CHL1: variants seen among roughly 807,000 people sequenced by gnomAD.
CHL1 encodes the protein neural cell adhesion molecule L1-like protein.
A neutral mutation model predicts 141.9 loss-of-function variants in CHL1; 96 were observed. That is an observed-to-expected ratio of 0.68 (90% CI 0.57 to 0.80). CHL1 has a LOEUF of 0.80. CHL1 is among the 30% of genes least tolerant of loss of function. CHL1 has a pLI of 0.00. For synonymous variants in CHL1, 613 were observed against 502.2 expected (o/e 1.22, Z -2.95); for missense variants, 1,820 against 1,457.2 (o/e 1.25, Z -4.05).
At chr3:321,791 C>A (rs1315591217) in intron 3 of CHL1, among the ~76,000 whole-genome samples, 2 of 151,958 alleles carry the variant, frequency 1.3e-5, no homozygotes, top group South Asian at 2.1e-4. Flanking sequence ...TATTTCAGGG[C>A]TCTAGAGCAC....
intron 9 of CHL1, among the ~76,000 whole-genome samples, chr3:347,087 CAG>C (rs1702830569): frequency 6.6e-6 from 1 of 152,054 alleles, no homozygotes; most frequent in Non-Finnish European, 1.5e-5. Flanking sequence ...TATTTACCAA[CAG>C]TATCTGAACA....
chr3:230,001 C>G (rs943985455), intron 1 of CHL1, among the ~76,000 whole-genome samples: 1 of 151,958 alleles, frequency 6.6e-6, no homozygotes, highest in Non-Finnish European at 1.5e-5. Context: ...TCTCCTTATC[C>G]CCGTGAGTTT....
intron 1 of CHL1, among the ~76,000 whole-genome samples, chr3:231,810 CT>C (rs1701893888): frequency 6.6e-6 from 1 of 151,966 alleles, no homozygotes; most frequent in Admixed American, 6.6e-5. Context: ...CTCCTGACCT[CT>C]GGTGATCCAC....
Position 358,900 on chromosome 3 carries a change from T to G in CHL1, c.1166-1384T>G, listed in dbSNP as rs1252535335. The stretch of plus-strand genomic sequence containing the variant: ...GTCCTTTAAACTAAAAATTTTTGCA[T>G]TTGTGCCCTTCCCTTGACATTTCCA... On this transcript the variant is annotated intron_variant, in intron 11 of 27. Coordinates refer to ENST00000256509, the MANE Select transcript of CHL1 (RefSeq NM_006614.4). Among the ~76,000 whole-genome samples the G allele has an allele frequency of 2.0e-5, 3 of 150,426 alleles. No homozygotes were observed. In the East Asian group the frequency reaches 5.8e-4, roughly 29 times the overall value.
chr3:331,156 G>A (rs1049215346), intron 5 of CHL1, among the ~76,000 whole-genome samples: 2 of 152,078 alleles, frequency 1.3e-5, no homozygotes, highest in East Asian at 3.9e-4. Context: ...TATCACCAGG[G>A]TCATTAATAC....
intron 10 of CHL1, among the ~76,000 whole-genome samples, chr3:350,615 A>AG (rs1324614275): frequency 2.0e-5 from 3 of 151,742 alleles, no homozygotes; most frequent in South Asian, 4.2e-4. Context: ...AATGGAAAAA[A>AG]AAAAGGACTC....
intron 10 of CHL1, 146 bp downstream of exon 10, chr3:349,689 C>T: frequency 3.0e-6 from 2 of 672,912 alleles, no homozygotes; most frequent in Non-Finnish European, 5.0e-6. Context: ...TTATATTACA[C>T]TTCAACTAAG....
chr3:360,534 C>A, intron 12 of CHL1, 110 bp downstream of exon 12: 1 of 1,080,354 alleles, frequency 9.3e-7, no homozygotes, highest in Non-Finnish European at 1.3e-6. Context: ...AGGGAAAAAT[C>A]AAACTACTTT....
chr3:399,189 G>A, intron 26 of CHL1, 41 bp downstream of exon 26: 7 of 1,537,822 alleles, frequency 4.6e-6, no homozygotes, highest in Non-Finnish European at 6.3e-6. Context: ...TTATTAAAAA[G>A]CATTTTCTGG....
At chr3:344,849 AT>A in intron 9 of CHL1, 140 bp downstream of exon 9, 4 of 810,798 alleles carry the variant, frequency 4.9e-6, no homozygotes, top group Non-Finnish European at 7.4e-6. Flanking sequence ...GGCACTGCAG[AT>A]ATTCTGCTCA....
chr3:325,308 T>C (rs1350096047), intron 3 of CHL1, among the ~76,000 whole-genome samples: 1 of 152,044 alleles, frequency 6.6e-6, no homozygotes, highest in Non-Finnish European at 1.5e-5. Context: ...GTTATTTGTG[T>C]ATATATTCTG....
chr3:214,431 C>A (rs998962208), intron 1 of CHL1, among the ~76,000 whole-genome samples: 4 of 152,136 alleles, frequency 2.6e-5, no homozygotes, highest in Non-Finnish European at 4.4e-5. Flanking sequence ...ATTCATGTAA[C>A]CTTCCTACAT....
At chr3:295,653 G>A (rs955900131) in intron 2 of CHL1, among the ~76,000 whole-genome samples, 16 of 152,134 alleles carry the variant, frequency 1.1e-4, no homozygotes, top group Middle Eastern at 3.4e-3. Flanking sequence ...AACAGTGAAG[G>A]GTCAGTTCTC....
At chr3:206,209 T>C (rs1375293584) in intron 1 of CHL1, among the ~76,000 whole-genome samples, 1 of 152,238 alleles carries the variant, frequency 6.6e-6, no homozygotes, top group Non-Finnish European at 1.5e-5. Context: ...GGTGCAAGCC[T>C]GTAATCCCAG....
chr3:226,811 G>A (rs768804251), intron 1 of CHL1, among the ~76,000 whole-genome samples: 1 of 152,028 alleles, frequency 6.6e-6, no homozygotes, highest in Non-Finnish European at 1.5e-5. Context: ...CCAAAATGTT[G>A]CCTTTCTTCT....
chr3:409,111 C>A lies in CHL1; in HGVS notation c.*3400C>A, dbSNP rs903778866. 7.2e-5 allele frequency: 11 copies of A among 152,090 alleles called. No individual in the cohort carries two copies. Among genetic ancestry groups the A allele is most frequent in the African/African-American group, 2.6e-4 (11 of 41,520 alleles). 9.4% of individuals were successfully genotyped at this position (152,090 alleles called of 1,614,324 possible). On this transcript the variant is annotated 3_prime_UTR_variant, in exon 28 of 28. Coordinates refer to ENST00000256509, the MANE Select transcript of CHL1 (RefSeq NM_006614.4). ...ATTATAATGGGATTGGGTTTGTTAT[C>A]TGTGGTAGTATATATCCTAGTGTTC...
At chr3:319,494 C>G (rs1366182560) in intron 2 of CHL1, among the ~76,000 whole-genome samples, 189 bp from the exon 3 acceptor site, 2 of 150,430 alleles carry the variant, frequency 1.3e-5, no homozygotes, top group African/African-American at 4.9e-5. Context: ...AGTATATATT[C>G]GCTGTCCTTT....
chr3:369,020 G>C (rs1705268731), intron 15 of CHL1, among the ~76,000 whole-genome samples: 1 of 152,166 alleles, frequency 6.6e-6, no homozygotes, highest in Admixed American at 6.5e-5. Context: ...TTTGAAGTCA[G>C]GTAGCGTGAT....
At chr3:259,740 C>T (rs1045054735) in intron 2 of CHL1, among the ~76,000 whole-genome samples, 8 of 152,006 alleles carry the variant, frequency 5.3e-5, no homozygotes, top group African/African-American at 1.4e-4. Flanking sequence ...TTTGTCACAA[C>T]GAGTTTATTA....
Sources: gnomAD v4.1 joint callset for allele counts (sites outside exome capture counted in the v4.1 genomes callset) on GRCh38, gnomAD v4.1.1 for gene constraint, MANE v1.5 for transcripts, NCBI Gene and HGNC (gene_info 2026-07-23, HGNC 2026-07-21) for gene names.